The following BEAN1 variants were observed in gnomAD, a reference collection of about 807,000 sequenced individuals.
BEAN1 encodes the protein protein BEAN1.
Under a neutral mutation model 17.7 loss-of-function variants are expected in BEAN1, and 17 were observed. The ratio of observed to expected loss-of-function variants is 0.96; its 90% CI spans 0.66 to 1.44. The LOEUF (loss-of-function observed/expected upper bound fraction) is 1.44, where lower values mean the gene tolerates loss of function less well. Ranked by LOEUF, BEAN1 falls within the 40% of genes most tolerant of loss-of-function variation. The pLI is 0.00. For synonymous variants in BEAN1, 142 were observed against 151.8 expected, an observed-to-expected ratio of 0.94 and a Z score of 0.47; for missense variants, 359 against 374.1, an observed-to-expected ratio of 0.96 and a Z score of 0.33.
chr16:66,481,497 A>G lies in BEAN1; in HGVS notation c.*572A>G, dbSNP rs1763640887. ...CTCTCGATTCCAGGGCAGATGAGCCACAACATCACCACCCTGCCACTTACA... is the reference window on the plus strand; with the variant it reads ...CTCTCGATTCCAGGGCAGATGAGCCGCAACATCACCACCCTGCCACTTACA... On this transcript the variant is annotated 3_prime_UTR_variant, in exon 5 of 5. Transcript: ENST00000536005. The surrounding 1 kb of genome is among the most constrained non-coding windows in gnomAD (Gnocchi z 4.1). 1 of 364,404 alleles carries G rather than the reference A, an allele frequency of 2.7e-6. No individual in the cohort carries two copies. Among genetic ancestry groups the G allele is most frequent in the African/African-American group, 2.1e-5 (1 of 48,070 alleles). 22.6% of individuals were successfully genotyped at this position (364,404 alleles called of 1,614,324 possible).
At chr16:66,479,319 G>A (rs1385741555) in intron 4 of BEAN1, among the ~76,000 whole-genome samples, 10 of 152,112 alleles carry the variant, frequency 6.6e-5, no homozygotes, top group East Asian at 1.9e-4. Context: ...GTGCACAGAT[G>A]CCCTGGGGGT....
chr16:66,478,696 C>A (rs112324982), intron 4 of BEAN1, among the ~76,000 whole-genome samples: 2 of 152,352 alleles, frequency 1.3e-5, no homozygotes, highest in African/African-American at 4.8e-5. Context: ...CAGCAAGGCA[C>A]TGGCTCTTCC....
chr16:66,489,655 GATTT>G (rs1294779939), intron 4 of BEAN1, among the ~76,000 whole-genome samples: 1 of 152,304 alleles, frequency 6.6e-6, no homozygotes, highest in African/African-American at 2.4e-5. Flanking sequence ...CAGAAAGGCA[GATTT>G]ATTAGAGAAG....
chr16:66,478,305 G>A (rs1365264433), intron 4 of BEAN1, among the ~76,000 whole-genome samples: 3 of 152,170 alleles, frequency 2.0e-5, no homozygotes, highest in Non-Finnish European at 4.4e-5. Context: ...AAATGTCCAT[G>A]TAATAATACC....
At chr16:66,457,058 C>T (rs775118681) in intron 2 of BEAN1, among the ~76,000 whole-genome samples, 2 of 152,212 alleles carry the variant, frequency 1.3e-5, no homozygotes, top group Non-Finnish European at 2.9e-5. Flanking sequence ...GAGGTGGGAG[C>T]AGGGAACAGT....
chr16:66,459,184 A>T (rs1457016919), intron 2 of BEAN1, among the ~76,000 whole-genome samples: 1 of 152,198 alleles, frequency 6.6e-6, no homozygotes, highest in Non-Finnish European at 1.5e-5. Flanking sequence ...CCCTTGCAGC[A>T]GCCTCCTCCC....
intron 1 of BEAN1, 138 bp from the exon 2 acceptor site, chr16:66,437,457 A>C: frequency 1.8e-6 from 1 of 542,508 alleles, no homozygotes; most frequent in East Asian, 3.1e-5. Flanking sequence ...CCCCTTGCCC[A>C]GACTAGGCAC....
exon 5 of BEAN1, chr16:66,493,484 G>T (rs1964206285): frequency 5.0e-6 from 3 of 600,812 alleles, no homozygotes; most frequent in Non-Finnish European, 8.9e-6. Flanking sequence ...CAGTGAGGAG[G>T]TCCTGCCTTG....
intron 2 of BEAN1, among the ~76,000 whole-genome samples, chr16:66,468,321 A>G (rs1963333771): frequency 6.6e-6 from 1 of 152,186 alleles, no homozygotes. Flanking sequence ...ATATGTAACA[A>G]ATGCAAAGCT....
chr16:66,448,174 C>A (rs1046596024), intron 2 of BEAN1, among the ~76,000 whole-genome samples: 1 of 152,136 alleles, frequency 6.6e-6, no homozygotes, highest in South Asian at 2.1e-4. Flanking sequence ...CAGCAAGAAC[C>A]GAGAATTCCT....
At chr16:66,486,370 G>A (rs1020802659), downstream of BEAN1, among the ~76,000 whole-genome samples, 64 of 152,080 alleles carry the variant, frequency 4.2e-4, no homozygotes, top group African/African-American at 1.4e-3. Flanking sequence ...CTGGGATTAC[G>A]GGCATTCTGA....
intron 2 of BEAN1, among the ~76,000 whole-genome samples, chr16:66,459,114 T>C (rs1358092610): frequency 3.3e-5 from 5 of 152,226 alleles, no homozygotes; most frequent in African/African-American, 1.2e-4. Context: ...TGCTCACCTC[T>C]GTTCAGGGCA....
chr16:66,478,154 A>G (rs1276566963), intron 4 of BEAN1: 1 of 154,502 alleles, frequency 6.5e-6, no homozygotes, highest in African/African-American at 2.4e-5. Context: ...TCTATAAATA[A>G]CACCAGGGAC....
At chr16:66,453,731 AT>A (rs150187705) in intron 2 of BEAN1, among the ~76,000 whole-genome samples, 13,322 of 146,886 alleles carry the variant, frequency 0.091, 743 homozygotes, top group East Asian at 0.22. Context: ...ATGTAGTTTA[AT>A]TTTTTTTTTT....
chr16:66,486,812 A>G (rs1287234280), downstream of BEAN1, among the ~76,000 whole-genome samples: 2 of 152,198 alleles, frequency 1.3e-5, no homozygotes, highest in Non-Finnish European at 2.9e-5. Flanking sequence ...AGTCTGAGCG[A>G]TGACCCCAAG....
In BEAN1 at chr16:66,480,890, C is replaced by A; in HGVS notation, c.745C>A (p.Arg249=). 1 of 1,466,428 alleles carries A rather than the reference C, an allele frequency of 6.8e-7. No homozygotes were observed. The highest frequency in any genetic ancestry group is 1.4e-5 in the African/African-American group (1 of 70,814). The allele number at this position is 1,466,428 out of a possible 1,614,324, so 90.8% of individuals were successfully genotyped here. A position where few individuals can be genotyped will look rare whatever the true frequency, so the allele number is the denominator to read the frequency against. ...CTCCCAGGGCTCACCCACCCCAACC[C>A]GGGCCCCAGCCTCTGGCCCAGAGAG... ...RGSQGSPTPT[R]APASGPERIV Residue 249 remains arginine, a synonymous_variant, in exon 5 of 5, where the codon CGG becomes AGG. Coordinates refer to ENST00000536005, the MANE Select transcript of BEAN1 (RefSeq NM_001178020.3).
rs1041006182 is a variant in BEAN1, at chr16:66,434,853, T to G, written c.-82-2742T>G. ...GCTGAGGTTGGCTTGCTCTAGTGTT[T>G]CCATGCACTTTTGAACTTCCCCTCC... On this transcript the variant is annotated intron_variant, in intron 1 of 4. Coordinates refer to ENST00000536005, the MANE Select transcript of BEAN1 (RefSeq NM_001178020.3). This position sits in a 1 kb window ranked among gnomAD's most constrained non-coding sequence, Gnocchi z 4.3. Among the ~76,000 whole-genome samples, 11 of 152,094 alleles carry G rather than the reference T, an allele frequency of 7.2e-5. No individual in the cohort carries two copies. The highest frequency in any genetic ancestry group is 2.4e-4 in the African/African-American group (10 of 41,428).
Position 66,469,752 on chromosome 16 carries a change from TC to T in BEAN1, c.178del (p.Arg60AlafsTer112). ...TGCATCACCATCATTGTGGGCAGCA[TC>T]CGCAGGGACAGGCAGGCCCGGCTTC... The part of the protein sequence containing the change: ...LSCITIIVGS[I>X]RRDRQARLQR... On this transcript the variant is annotated frameshift_variant, in exon 3 of 5. Coordinates refer to ENST00000536005, the MANE Select transcript of BEAN1 (RefSeq NM_001178020.3). LOFTEE classifies it high-confidence loss of function. The T allele has an allele frequency of 6.5e-7, 1 of 1,536,018 alleles. No individual in the cohort carries two copies. The highest frequency in any genetic ancestry group is 1.2e-5 in the South Asian group (1 of 84,046).
At chr16:66,461,326 T>C (rs1342432751) in intron 2 of BEAN1, among the ~76,000 whole-genome samples, 2 of 152,168 alleles carry the variant, frequency 1.3e-5, no homozygotes, top group South Asian at 2.1e-4. Flanking sequence ...CTGCCGGTTG[T>C]GGTGACTGGG....
Sources: allele counts gnomAD v4.1 joint callset (sites outside exome capture counted in the v4.1 genomes callset), GRCh38; gene constraint gnomAD v4.1.1; non-coding constraint Gnocchi (gnomAD v3.1); transcripts MANE v1.5; gene names NCBI Gene and HGNC (gene_info 2026-07-23, HGNC 2026-07-21).